The following PGBD1 variants were observed in gnomAD, a reference collection of about 807,000 sequenced individuals.
The protein encoded by PGBD1 is piggyBac transposable element derived 1.
A neutral mutation model predicts 34.7 loss-of-function variants in PGBD1; 25 were observed. The observed-to-expected ratio is 0.72, with a 90% CI of 0.52 to 1.00. PGBD1 has a LOEUF of 1.00. PGBD1 is among the 50% of genes least tolerant of loss of function. The pLI, the probability that PGBD1 is intolerant of heterozygous loss-of-function variation, is 0.00. For missense variants in PGBD1, 830 were observed against 959.4 expected (o/e 0.87, Z 1.78); for synonymous variants, 292 against 335.7 (o/e 0.87, Z 1.42).
chr6:28,302,529 A>G lies in PGBD1; in HGVS notation c.*245A>G, dbSNP rs562430170. The G allele has an allele frequency of 1.3e-4, 58 of 435,894 alleles. No homozygotes were observed. Among genetic ancestry groups the G allele is most frequent in the African/African-American group, 1.1e-3 (55 of 49,586 alleles). The allele number at this position is 435,894 out of a possible 1,614,324, so 27.0% of individuals were successfully genotyped here. On this transcript the variant is annotated 3_prime_UTR_variant, in exon 7 of 7. Coordinates refer to ENST00000682144, the MANE Select transcript of PGBD1 (RefSeq NM_032507.4). Reference sequence around the variant, plus strand: ...TCAAGTTTTGTGTCAGACATGGGAAATCATGTATTTGTTCAATTGACTACT... The same window carrying G: ...TCAAGTTTTGTGTCAGACATGGGAAGTCATGTATTTGTTCAATTGACTACT...
At chr6:28,296,405 A>T (rs1305168607) in intron 4 of PGBD1, among the ~76,000 whole-genome samples, 1 of 152,236 alleles carries the variant, frequency 6.6e-6, no homozygotes, top group Non-Finnish European at 1.5e-5. Flanking sequence ...CAATGTCTTT[A>T]ATCGATGTAA....
chr6:28,287,219 TCATTCCATG>T (rs769167395), intron 4 of PGBD1, 51 bp downstream of exon 4: 4 of 1,446,262 alleles, frequency 2.8e-6, no homozygotes, highest in Non-Finnish European at 3.9e-6. Flanking sequence ...TCTTTCTCCC[TCATTCCATG>T]TTCCTTGCCC....
At chr6:28,290,250 C>T (rs1377283458) in intron 4 of PGBD1, among the ~76,000 whole-genome samples, 3 of 152,116 alleles carry the variant, frequency 2.0e-5, no homozygotes, top group Non-Finnish European at 4.4e-5. Flanking sequence ...TGTGTGCCAC[C>T]ATGCCTGGGT....
chr6:28,286,238 A>G (rs899979392), intron 3 of PGBD1, among the ~76,000 whole-genome samples: 9 of 152,254 alleles, frequency 5.9e-5, no homozygotes, highest in Non-Finnish European at 7.3e-5. Flanking sequence ...AAAGCAGAGC[A>G]AAGAAAAGTG....
In PGBD1 at chr6:28,285,573, A is replaced by G; in HGVS notation, c.419A>G (p.Gln140Arg). 6.2e-7 allele frequency: 1 copy of G among 1,614,110 alleles called. No individual in the cohort carries two copies. Among genetic ancestry groups the G allele is most frequent in the Non-Finnish European group, 8.5e-7 (1 of 1,180,004 alleles). ...GQQASVYIQG[Q>R]DMHPMVAEYQ... ...CAGGCCTCTGTCTATATTCAGGGAC[A>G]GGACATGCACCCAATGGTGGCAGAA... Residue 140 changes from glutamine (Q) to arginine (R), a missense_variant, in exon 3 of 7, where the codon CAG (glutamine) becomes CGG (arginine). Gln to Arg is a conservative substitution (Grantham distance 43). Transcript: ENST00000682144.
At chr6:28,294,214 T>TCTCTTCAA (rs1212985292) in intron 4 of PGBD1, among the ~76,000 whole-genome samples, 8 of 152,216 alleles carry the variant, frequency 5.3e-5, no homozygotes, top group Non-Finnish European at 1.0e-4. Flanking sequence ...CATCTCTTAC[T>TCTCTTCAA]CTCTTCAATT....
intron 2 of PGBD1, 95 bp downstream of exon 2, chr6:28,284,304 A>T (rs1222935539): frequency 2.8e-5 from 37 of 1,313,624 alleles, no homozygotes; most frequent in Non-Finnish European, 3.3e-5. Flanking sequence ...CTCCTAATTT[A>T]TAGAAGTATT....
chr6:28,300,884 A>G lies in PGBD1; in HGVS notation c.1030A>G (p.Lys344Glu), dbSNP rs1438731951. 1.9e-6 allele frequency: 3 copies of G among 1,614,144 alleles called. No homozygotes were observed. The highest frequency in any genetic ancestry group is 1.7e-6 in the Non-Finnish European group (2 of 1,180,028). The change falls in exon 7 of 7, where the codon AAA (lysine) becomes GAA (glutamate). Residue 344 changes from lysine (K) to glutamate (E), a missense_variant. Coordinates refer to ENST00000682144, the MANE Select transcript of PGBD1 (RefSeq NM_032507.4). The surrounding 1 kb of genome is among the most constrained non-coding windows in gnomAD (Gnocchi z 4.0). ...AAGDITRKGR[K>E]KDKARVSELL... ...AGGAGACATTACCCGAAAAGGGAGA[A>G]AAAAAGACAAAGCTCGAGTGAGTGA...
chr6:28,299,363 C>T (rs939216395), intron 6 of PGBD1, among the ~76,000 whole-genome samples: 1 of 151,114 alleles, frequency 6.6e-6, no homozygotes, highest in African/African-American at 2.4e-5. Flanking sequence ...TCTTAGCTCA[C>T]TCTTTTTTCC....
rs1561894371 is a variant in PGBD1 at position 28,302,323 on chromosome 6, A to G, written c.*39A>G. On this transcript the variant is annotated 3_prime_UTR_variant, in exon 7 of 7. Transcript: ENST00000682144. ...GACATAGTGCAGACATTAATAAGAC[A>G]TAGAAAAATAATAATTATACATGCT... The G allele has an allele frequency of 6.5e-7, 1 of 1,548,402 alleles. No homozygotes were observed. Among genetic ancestry groups the G allele is most frequent in the Non-Finnish European group, 8.7e-7 (1 of 1,145,702 alleles).
intron 3 of PGBD1, among the ~76,000 whole-genome samples, chr6:28,286,700 C>T (rs1465373470): frequency 6.6e-6 from 1 of 152,142 alleles, no homozygotes; most frequent in Non-Finnish European, 1.5e-5. Flanking sequence ...CCCTCAGTCT[C>T]ATCTCTCTAC....
At chr6:28,283,184 A>T (rs1762178410) in intron 1 of PGBD1, among the ~76,000 whole-genome samples, 1 of 152,142 alleles carries the variant, frequency 6.6e-6, no homozygotes. Context: ...TGGCAGTCTT[A>T]TGGCAGTGAG....
intron 4 of PGBD1, among the ~76,000 whole-genome samples, chr6:28,290,973 G>A (rs140756428): frequency 1.2e-3 from 182 of 152,022 alleles, no homozygotes; most frequent in South Asian, 3.1e-3. Flanking sequence ...GAAATTTATA[G>A]CAATAAACAC....
chr6:28,287,004 A>G (rs1762303745), intron 3 of PGBD1, 76 bp from the exon 4 acceptor site: 10 of 1,105,052 alleles, frequency 9.0e-6, no homozygotes, highest in Admixed American at 1.8e-5. Context: ...ATTTGGGGGA[A>G]AAGGCTGGGT....
chr6:28,285,572 C>A lies in PGBD1; in HGVS notation c.418C>A (p.Gln140Lys). The change falls in exon 3 of 7, where the codon CAG becomes AAG. Residue 140 changes from glutamine (Q) to lysine (K), a missense_variant. This residue lies in a region of PGBD1 where 457 missense variants were observed against 515.4 expected (regional missense o/e 0.89). Transcript: ENST00000682144. ...CCAGGCCTCTGTCTATATTCAGGGA[C>A]AGGACATGCACCCAATGGTGGCAGA... The part of the protein sequence containing the change: ...GQQASVYIQG[Q>K]DMHPMVAEYQ... 6.2e-7 allele frequency: 1 copy of A among 1,614,010 alleles called. No homozygotes were observed. Among genetic ancestry groups the A allele is most frequent in the Non-Finnish European group, 8.5e-7 (1 of 1,179,972 alleles).
chr6:28,285,064 T>G (rs1762246082), intron 2 of PGBD1, among the ~76,000 whole-genome samples: 1 of 152,232 alleles, frequency 6.6e-6, no homozygotes, highest in African/African-American at 2.4e-5. Context: ...CTGCTGTCTT[T>G]GTCATGACGT....
At chr6:28,287,311 G>A (rs1286684122) in intron 4 of PGBD1, 143 bp downstream of exon 4, 2 of 710,258 alleles carry the variant, frequency 2.8e-6, no homozygotes. Flanking sequence ...CCTTGTCACA[G>A]AATATCACAA....
intron 4 of PGBD1, among the ~76,000 whole-genome samples, chr6:28,292,742 C>T (rs2113750701): frequency 6.6e-6 from 1 of 151,728 alleles, no homozygotes; most frequent in South Asian, 2.1e-4. Context: ...TCCATATTTG[C>T]AAATTGACCA....
chr6:28,302,178 G>A lies in PGBD1; in HGVS notation c.2324G>A (p.Trp775Ter). 6.2e-7 allele frequency: 1 copy of A among 1,614,138 alleles called. No homozygotes were observed. Among genetic ancestry groups the A allele is most frequent in the Non-Finnish European group, 8.5e-7 (1 of 1,180,020 alleles). Residue 775 changes from tryptophan (W) to a stop codon, truncating the protein, a stop_gained, in exon 7 of 7, where the codon TGG becomes TAG. Transcript: ENST00000682144. LOFTEE classifies it low-confidence loss of function (END_TRUNC). The part of the protein sequence containing the change: ...YMIDVAMNNA[W>*]QLHRACNPGA... ...ATTGATGTAGCCATGAACAATGCATGGCAACTACACAGAGCCTGTAACCCA... is the reference window on the plus strand; with the variant it reads ...ATTGATGTAGCCATGAACAATGCATAGCAACTACACAGAGCCTGTAACCCA...
Sources: gnomAD v4.1 joint callset for allele counts (sites outside exome capture counted in the v4.1 genomes callset) on GRCh38, gnomAD v4.1.1 for gene constraint, gnomAD v4.1.1 regional missense constraint, Gnocchi (gnomAD v3.1) non-coding constraint, MANE v1.5 for transcripts, NCBI Gene and HGNC (gene_info 2026-07-23, HGNC 2026-07-21) for gene names.